The following ANKS1B variants were observed in gnomAD, a reference collection of about 807,000 sequenced individuals.
The protein encoded by ANKS1B is ankyrin repeat and sterile alpha motif domain-containing protein 1B.
Under a neutral mutation model 148.3 loss-of-function variants are expected in ANKS1B, and 36 were observed. The ratio of observed to expected loss-of-function variants is 0.24; its 90% CI spans 0.19 to 0.32. The LOEUF is 0.32. Ranked by LOEUF, ANKS1B falls within the 10% of genes least tolerant of loss-of-function variation. The probability of loss-of-function intolerance (pLI) is 1.00; values close to 1 mark genes in which losing one functional copy is unlikely to be tolerated. For synonymous variants in ANKS1B, 542 were observed against 560.8 expected (o/e 0.97, Z 0.47); for missense variants, 1,157 against 1,542.6 (o/e 0.75, Z 4.19).
chr12:99,094,813 T>C (rs1212775614), intron 15 of ANKS1B, among the ~76,000 whole-genome samples: 1 of 152,208 alleles, frequency 6.6e-6, no homozygotes, highest in Non-Finnish European at 1.5e-5. Flanking sequence ...ACTTTGATTG[T>C]ATTCCAAGTG....
At chr12:99,711,902 C>G (rs1460482009) in intron 8 of ANKS1B, among the ~76,000 whole-genome samples, 2 of 152,096 alleles carry the variant, frequency 1.3e-5, no homozygotes, top group African/African-American at 2.4e-5. Context: ...CACATGTGTT[C>G]ATTACAGCAC....
intron 17 of ANKS1B, among the ~76,000 whole-genome samples, chr12:98,997,214 A>G (rs1402848683): frequency 5.3e-5 from 8 of 152,190 alleles, no homozygotes; most frequent in Non-Finnish European, 7.4e-5. Flanking sequence ...ATACCAAGCT[A>G]TTGGTAAAAG....
At chr12:99,086,925 G>C (rs1012468443) in intron 15 of ANKS1B, among the ~76,000 whole-genome samples, 3 of 152,182 alleles carry the variant, frequency 2.0e-5, no homozygotes, top group African/African-American at 4.8e-5. Flanking sequence ...GAATTTGAAA[G>C]GGTGATTCTG....
intron 15 of ANKS1B, among the ~76,000 whole-genome samples, chr12:99,151,777 G>A (rs1044374741): frequency 2.0e-5 from 3 of 152,104 alleles, no homozygotes; most frequent in Admixed American, 2.0e-4. Context: ...ATTCTTGATT[G>A]AATAAAAAAT....
At chr12:99,401,063 T>C (rs1443716887) in intron 11 of ANKS1B, among the ~76,000 whole-genome samples, 1 of 146,256 alleles carries the variant, frequency 6.8e-6, no homozygotes, top group Non-Finnish European at 1.5e-5. Flanking sequence ...TCACCAAATA[T>C]TTTTATGAAA....
At chr12:99,429,864 TGAG>T (rs2095335893) in intron 11 of ANKS1B, among the ~76,000 whole-genome samples, 1 of 151,940 alleles carries the variant, frequency 6.6e-6, no homozygotes, top group African/African-American at 2.4e-5. Context: ...CTCGGGCAGC[TGAG>T]GCAGGAGAAT....
At chr12:99,041,407 G>A (rs1381671759) in intron 17 of ANKS1B, among the ~76,000 whole-genome samples, 2 of 152,160 alleles carry the variant, frequency 1.3e-5, no homozygotes, top group Non-Finnish European at 2.9e-5. Flanking sequence ...TGGTCAATGA[G>A]TTCAATAAAC....
chr12:99,837,207 G>C (rs732718), intron 1 of ANKS1B, among the ~76,000 whole-genome samples: 1 of 151,900 alleles, frequency 6.6e-6, no homozygotes, highest in South Asian at 2.1e-4. Flanking sequence ...GCCTCTAGTA[G>C]CTGGAAAAGG....
At chr12:99,167,991 A>T (rs1181560556) in intron 14 of ANKS1B, among the ~76,000 whole-genome samples, 2 of 152,232 alleles carry the variant, frequency 1.3e-5, no homozygotes, top group Non-Finnish European at 2.9e-5. Context: ...AGTTCTAGAG[A>T]GTATAAACTT....
rs567242876 is a variant in ANKS1B at position 98,944,484 on chromosome 12, C to G, written c.2778+108673G>C. On this transcript the variant is annotated intron_variant, in intron 17 of 26. Coordinates refer to ENST00000683438, the MANE Select transcript of ANKS1B (RefSeq NM_001352186.2). ...AAATCTCTTTTCTTAATAAGTTACT[C>G]AGCCTCAGGCATTCCTTTAGAGCAA... is the stretch of plus-strand genomic sequence containing the variant. Among the ~76,000 whole-genome samples, 49 of 152,210 alleles carry G rather than the reference C, an allele frequency of 3.2e-4. 1 individual carries two copies. The highest frequency in any genetic ancestry group is 6.8e-3 in the Middle Eastern group (2 of 294).
chr12:99,806,329 C>T (rs2067641730), intron 4 of ANKS1B, 75 bp downstream of exon 4: 1 of 1,542,246 alleles, frequency 6.5e-7, no homozygotes, highest in Admixed American at 1.7e-5. Context: ...TTTCTACATA[C>T]AGGTTTTCAC....
rs373838977 is a variant in ANKS1B, at chr12:99,211,143, A to C, written c.2419+33199T>G. On this transcript the variant is annotated intron_variant, in intron 14 of 26. Transcript: ENST00000683438. Reference sequence around the variant, plus strand: ...CCCAGAATGGTGGTAACTTAGGGCTAATGCCCCTGGGGGAGCATGACCAAA... The same window carrying C: ...CCCAGAATGGTGGTAACTTAGGGCTCATGCCCCTGGGGGAGCATGACCAAA... 1.4e-4 allele frequency among the ~76,000 whole-genome samples: 22 copies of C among 152,330 alleles called. No individual in the cohort carries two copies. In the East Asian group the frequency reaches 2.3e-3, roughly 16 times the overall value.
rs1413981754 is a variant in ANKS1B, at chr12:98,829,925, G to A, written c.2887-572C>T. Reference sequence around the variant, plus strand: ...AAACGGGTCAGGAGGAAGATAGGGGGCATAGACAGCTCAGCTCTACTATTT... The same window carrying A: ...AAACGGGTCAGGAGGAAGATAGGGGACATAGACAGCTCAGCTCTACTATTT... On this transcript the variant is annotated intron_variant, in intron 18 of 26. Coordinates refer to ENST00000683438, the MANE Select transcript of ANKS1B (RefSeq NM_001352186.2). The surrounding 1 kb of genome is among the most constrained non-coding windows in gnomAD (Gnocchi z 5.2). Among the ~76,000 whole-genome samples the A allele has an allele frequency of 6.6e-6, 1 of 152,188 alleles. No individual in the cohort carries two copies. The highest frequency in any genetic ancestry group is 1.5e-5 in the Non-Finnish European group (1 of 68,040).
intron 1 of ANKS1B, among the ~76,000 whole-genome samples, chr12:99,849,685 C>T (rs1459984907): frequency 3.9e-5 from 6 of 152,080 alleles, no homozygotes; most frequent in African/African-American, 1.4e-4. Context: ...TATTATTACT[C>T]TCCACACAAA....
At chr12:99,035,586 G>C (rs2099955023) in intron 17 of ANKS1B, among the ~76,000 whole-genome samples, 1 of 152,116 alleles carries the variant, frequency 6.6e-6, no homozygotes, top group African/African-American at 2.4e-5. Flanking sequence ...AAATAAATTT[G>C]TATGCCTTTT....
intron 9 of ANKS1B, among the ~76,000 whole-genome samples, chr12:99,634,729 A>G (rs1043340994): frequency 6.6e-6 from 1 of 152,206 alleles, no homozygotes; most frequent in Non-Finnish European, 1.5e-5. Context: ...CTGGGTTATA[A>G]TAACACTAAA....
intron 23 of ANKS1B, chr12:98,781,478 A>T: frequency 1.8e-6 from 1 of 542,930 alleles, no homozygotes; most frequent in Non-Finnish European, 3.5e-6. Context: ...CTTTGTGTGG[A>T]TGAAGGAGTA....
At chr12:99,314,055 C>A (rs2083613087) in intron 12 of ANKS1B, among the ~76,000 whole-genome samples, 1 of 152,132 alleles carries the variant, frequency 6.6e-6, no homozygotes. Flanking sequence ...AGCTGATAAG[C>A]AACTTCAGCA....
At chr12:98,885,516 G>A (rs1053920483) in intron 17 of ANKS1B, among the ~76,000 whole-genome samples, 2 of 152,142 alleles carry the variant, frequency 1.3e-5, no homozygotes, top group Admixed American at 6.5e-5. Flanking sequence ...AGATCAAAGG[G>A]CTGATTCAAC....
Sources: gnomAD v4.1 joint callset for allele counts (sites outside exome capture counted in the v4.1 genomes callset) on GRCh38, gnomAD v4.1.1 for gene constraint, Gnocchi (gnomAD v3.1) non-coding constraint, MANE v1.5 for transcripts, NCBI Gene and HGNC (gene_info 2026-07-23, HGNC 2026-07-21) for gene names.